The following ATP11B variants were observed in gnomAD, a reference collection of about 807,000 sequenced individuals.
ATP11B encodes the protein ATPase phospholipid transporting 11B (putative).
A neutral mutation model predicts 157.8 loss-of-function variants in ATP11B; 81 were observed. The observed-to-expected ratio is 0.51, with a 90% CI of 0.43 to 0.62. ATP11B has a LOEUF of 0.62. Among genes scored for constraint, ATP11B ranks in the 20% least tolerant of loss-of-function variants. ATP11B has a pLI of 0.00. For missense variants in ATP11B, 1,165 were observed against 1,402.2 expected, an observed-to-expected ratio of 0.83 and a Z score of 2.70; for synonymous variants, 451 against 469.4, an observed-to-expected ratio of 0.96 and a Z score of 0.51.
At chr3:182,835,207 C>T (rs534109148) in intron 4 of ATP11B, among the ~76,000 whole-genome samples, 9 of 151,900 alleles carry the variant, frequency 5.9e-5, no homozygotes, top group Non-Finnish European at 1.2e-4. Flanking sequence ...GAAAACAATC[C>T]GTGTATGAGT....
At chr3:182,802,145 T>A (rs1716053789) in intron 1 of ATP11B, among the ~76,000 whole-genome samples, 1 of 152,188 alleles carries the variant, frequency 6.6e-6, no homozygotes, top group Admixed American at 6.5e-5. Flanking sequence ...GTATCTCCCT[T>A]TTTGTTGTTG....
intron 2 of ATP11B, among the ~76,000 whole-genome samples, chr3:182,822,935 G>T (rs768491768): frequency 1.6e-4 from 25 of 152,228 alleles, no homozygotes; most frequent in African/African-American, 4.6e-4. Flanking sequence ...AGTGTCTGTT[G>T]ATATCCTTTG....
chr3:182,865,711 T>C lies in ATP11B; in HGVS notation c.1443+13T>C. On this transcript the variant is annotated intron_variant, in intron 13 of 29. Coordinates refer to ENST00000323116, the MANE Select transcript of ATP11B (RefSeq NM_014616.3). ...TGAAACTGAACTAGTAAGTAATTTT[T>C]AAATTAATAAATAAGGGTTTCATAT... 6.3e-7 allele frequency: 1 copy of C among 1,580,148 alleles called. No homozygotes were observed. Among genetic ancestry groups the C allele is most frequent in the Non-Finnish European group, 8.6e-7 (1 of 1,163,204 alleles).
intron 25 of ATP11B, 84 bp downstream of exon 25, chr3:182,889,632 T>G (rs1723042666): frequency 1.7e-6 from 2 of 1,200,784 alleles, no homozygotes; most frequent in African/African-American, 3.3e-5. Context: ...AAATTTAATT[T>G]AAATTACAGA....
intron 1 of ATP11B, among the ~76,000 whole-genome samples, chr3:182,801,851 A>G (rs931994175): frequency 7.9e-5 from 12 of 152,200 alleles, no homozygotes; most frequent in Non-Finnish European, 1.8e-4. Flanking sequence ...TATATTAATA[A>G]TAAAAGGTAC....
chr3:182,845,408 A>G (rs754577880), intron 8 of ATP11B, 50 bp from the exon 9 acceptor site: 19 of 1,462,504 alleles, frequency 1.3e-5, no homozygotes, highest in Non-Finnish European at 1.8e-5. Context: ...TCAGAATTGA[A>G]GAGTTTTTAA....
At chr3:182,880,779 T>G (rs1332485633) in intron 20 of ATP11B, 100 bp from the exon 21 acceptor site, 1 of 565,324 alleles carries the variant, frequency 1.8e-6, no homozygotes, top group Non-Finnish European at 2.9e-6. Flanking sequence ...AAATATTTCT[T>G]TCATTAGTGT....
intron 27 of ATP11B, among the ~76,000 whole-genome samples, chr3:182,898,235 A>C (rs1344518504): frequency 6.6e-6 from 1 of 152,132 alleles, no homozygotes; most frequent in Non-Finnish European, 1.5e-5. Flanking sequence ...TTTTTGAAGA[A>C]GAGCCTCTGA....
chr3:182,879,973 A>G (rs1202809987), intron 20 of ATP11B, among the ~76,000 whole-genome samples: 1 of 152,190 alleles, frequency 6.6e-6, no homozygotes, highest in Admixed American at 6.5e-5. Flanking sequence ...AATTATTTGC[A>G]CCTTCAGATG....
chr3:182,909,442 G>T (rs1222052302), intron 28 of ATP11B, among the ~76,000 whole-genome samples: 1 of 152,098 alleles, frequency 6.6e-6, no homozygotes, highest in African/African-American at 2.4e-5. Context: ...ACTAGGTGGG[G>T]TCTCACTCCC....
At chr3:182,916,860 T>C (rs1461161404) in intron 29 of ATP11B, 4 of 983,056 alleles carry the variant, frequency 4.1e-6, no homozygotes, top group Admixed American at 6.2e-5. Flanking sequence ...ATAGCTGTTA[T>C]AGTTAAAAGT....
intron 17 of ATP11B, among the ~76,000 whole-genome samples, chr3:182,871,852 T>G (rs574929105): frequency 7.3e-4 from 111 of 152,084 alleles, no homozygotes; most frequent in Non-Finnish European, 1.2e-3. Flanking sequence ...GTCTCGCTCT[T>G]TCGCCCAGGC....
At chr3:182,902,620 TAAAC>T in intron 28 of ATP11B, 1 of 1,116,478 alleles carries the variant, frequency 9.0e-7, no homozygotes, top group African/African-American at 1.6e-5. Flanking sequence ...AAAGGTCAAT[TAAAC>T]AATATCAAAA....
chr3:182,873,467 G>A (rs895048887), intron 18 of ATP11B, among the ~76,000 whole-genome samples: 8 of 152,084 alleles, frequency 5.3e-5, no homozygotes, highest in Admixed American at 2.0e-4. Flanking sequence ...CAAAACAAAA[G>A]GAGAAAAATC....
intron 28 of ATP11B, among the ~76,000 whole-genome samples, chr3:182,907,232 A>G (rs893006591): frequency 1.3e-5 from 2 of 152,162 alleles, no homozygotes; most frequent in Non-Finnish European, 2.9e-5. Context: ...GGAGGATAAA[A>G]TTTCCTGCCA....
intron 29 of ATP11B, chr3:182,915,065 A>G: frequency 1.0e-6 from 1 of 985,376 alleles, no homozygotes; most frequent in Non-Finnish European, 1.2e-6. Flanking sequence ...ACTCCTATCT[A>G]CTGGAAAAAG....
Position 182,884,741 on chromosome 3 carries a change from C to G in ATP11B, c.2510-12C>G. On this transcript the variant is annotated splice_polypyrimidine_tract_variant and intron_variant, in intron 21 of 29. Coordinates refer to ENST00000323116, the MANE Select transcript of ATP11B (RefSeq NM_014616.3). ...TTATCAGTGAACATGTCTTTTGTCC[C>G]TTTTATTATAGGAATCATGGGTAAA... The G allele has an allele frequency of 1.3e-6, 2 of 1,583,142 alleles. No individual in the cohort carries two copies. Among genetic ancestry groups the G allele is most frequent in the Non-Finnish European group, 8.5e-7 (1 of 1,171,688 alleles).
chr3:182,796,527 T>C (rs1404278797), intron 1 of ATP11B, among the ~76,000 whole-genome samples: 1 of 152,224 alleles, frequency 6.6e-6, no homozygotes, highest in East Asian at 1.9e-4. Flanking sequence ...GGCTGCCATA[T>C]TGGACAGTTC....
chr3:182,908,196 CTTTTTTTTTTT>C lies in ATP11B; in HGVS notation c.3319-5650_3319-5640del, dbSNP rs10716562. ...AATATAATTCTCATATTATTATTTT[CTTTTTTTTTTT>C]TTTTTTTTTTTTTTGAGCTAGACAT... On this transcript the variant is annotated intron_variant, in intron 28 of 29. Coordinates refer to ENST00000323116, the MANE Select transcript of ATP11B (RefSeq NM_014616.3). Among the ~76,000 whole-genome samples the C allele has an allele frequency of 5.4e-3, 380 of 70,756 alleles. 1 individual carries two copies. The highest frequency in any genetic ancestry group is 0.038 in the Middle Eastern group (3 of 78). 46.4% of individuals were successfully genotyped at this position (70,756 alleles called of 152,430 possible).
Sources: gnomAD v4.1 joint callset for allele counts (sites outside exome capture counted in the v4.1 genomes callset) on GRCh38, gnomAD v4.1.1 for gene constraint, MANE v1.5 for transcripts, NCBI Gene and HGNC (gene_info 2026-07-23, HGNC 2026-07-21) for gene names.